HDAC4: variants seen among roughly 807,000 people sequenced by gnomAD.
HDAC4 encodes histone deacetylase 4.
A neutral mutation model predicts 135.1 loss-of-function variants in HDAC4; 16 were observed. The observed-to-expected ratio is 0.12, with a 90% CI of 0.08 to 0.18. The LOEUF (loss-of-function observed/expected upper bound fraction) is 0.18, where lower values mean the gene tolerates loss of function less well. Among genes scored for constraint, HDAC4 ranks in the 10% least tolerant of loss-of-function variants. The pLI is 1.00. For missense variants in HDAC4, 1,143 were observed against 1,511.8 expected (o/e 0.76, Z 4.05); for synonymous variants, 685 against 653.4 (o/e 1.05, Z -0.74).
At chr2:239,107,697 T>C (rs1463329343) in intron 15 of HDAC4, among the ~76,000 whole-genome samples, 5 of 152,154 alleles carry the variant, frequency 3.3e-5, no homozygotes, top group African/African-American at 1.2e-4. Flanking sequence ...TGGGGGAGCA[T>C]GGTGGGAACT....
At chr2:239,281,982 T>G (rs1246453732) in intron 2 of HDAC4, among the ~76,000 whole-genome samples, 3 of 149,434 alleles carry the variant, frequency 2.0e-5, no homozygotes, top group Non-Finnish European at 3.0e-5. Context: ...CACACCACTC[T>G]ACACGCAGTG....
Position 239,053,008 on chromosome 2 carries a change from G to T in HDAC4, c.*89C>A. 1 of 1,504,238 alleles carries T rather than the reference G, an allele frequency of 6.6e-7. No individual in the cohort carries two copies. Among genetic ancestry groups the T allele is most frequent in the South Asian group, 1.1e-5 (1 of 88,932 alleles). The allele number at this position is 1,504,238 out of a possible 1,614,324, so 93.2% of individuals were successfully genotyped here. A position where few individuals can be genotyped will look rare whatever the true frequency, so the allele number is the denominator to read the frequency against. On this transcript the variant is annotated 3_prime_UTR_variant, in exon 27 of 27. Transcript: ENST00000543185. ...CTGGGTGCTCCAAGAGAGCCCCACG[G>T]TGGGACGCAGGCGTGACACGGGAAA...
At chr2:239,070,931 T>G (rs1368192219) in intron 22 of HDAC4, among the ~76,000 whole-genome samples, 3 of 42,070 alleles carry the variant, frequency 7.1e-5, no homozygotes, top group South Asian at 5.6e-4. Context: ...TCTGTTGTTT[T>G]TTTTTTTTTT....
At chr2:239,388,596 A>G (rs73106713) in intron 1 of HDAC4, among the ~76,000 whole-genome samples, 2,468 of 152,074 alleles carry the variant, frequency 0.016, 71 homozygotes, top group African/African-American at 0.056. Flanking sequence ...TGGAAGGACC[A>G]CCCTCTGGGC....
chr2:239,277,756 TCA>T (rs1317196656), intron 2 of HDAC4, among the ~76,000 whole-genome samples: 6 of 152,106 alleles, frequency 3.9e-5, no homozygotes, highest in African/African-American at 1.4e-4. Context: ...CTTAGCAAAC[TCA>T]CACAGAAAAC....
At chr2:239,125,137 C>T (rs2040086694) in intron 12 of HDAC4, among the ~76,000 whole-genome samples, 1 of 152,226 alleles carries the variant, frequency 6.6e-6, no homozygotes. Flanking sequence ...GTGTCCCTGC[C>T]CACATCTCCT....
At chr2:239,236,866 TATG>T (rs1221147939) in intron 2 of HDAC4, among the ~76,000 whole-genome samples, 1 of 145,760 alleles carries the variant, frequency 6.9e-6, no homozygotes, top group African/African-American at 2.6e-5. Flanking sequence ...CCTACTGAGA[TATG>T]GCAAACGCCC....
In HDAC4 at chr2:239,265,305, C is replaced by T. The variant is rs57048296; in HGVS notation, c.23-28641G>A. On this transcript the variant is annotated intron_variant, in intron 2 of 26. Coordinates refer to ENST00000543185, the MANE Select transcript of HDAC4 (RefSeq NM_001378414.1). ...AAGTCATAAAACCCTCCCCTTCAAACGTGTGACTTCTCAGCAAACACCGCC... is the reference window on the plus strand; with the variant it reads ...AAGTCATAAAACCCTCCCCTTCAAATGTGTGACTTCTCAGCAAACACCGCC... Among the ~76,000 whole-genome samples, 694 of 152,356 alleles carry T rather than the reference C, an allele frequency of 4.6e-3. 8 individuals are homozygous for T. Among genetic ancestry groups the T allele is most frequent in the African/African-American group, 0.016 (661 of 41,582 alleles).
intron 2 of HDAC4, among the ~76,000 whole-genome samples, chr2:239,346,392 C>A (rs1166595068): frequency 6.6e-6 from 1 of 151,454 alleles, no homozygotes; most frequent in Admixed American, 6.6e-5. Flanking sequence ...AGAACACACA[C>A]CCATACTTTT....
intron 2 of HDAC4, among the ~76,000 whole-genome samples, chr2:239,294,325 T>C (rs926365301): frequency 1.3e-5 from 2 of 152,148 alleles, no homozygotes; most frequent in African/African-American, 2.4e-5. Flanking sequence ...GAGCTCCTGA[T>C]GGGCCTTGGC....
intron 2 of HDAC4, chr2:239,298,692 A>ATCCTGTGTGTGCTG: frequency 1.2e-6 from 1 of 849,176 alleles, no homozygotes; most frequent in South Asian, 5.3e-5. Flanking sequence ...AACAACGTGG[A>ATCCTGTGTGTGCTG]AATCATGACA....
chr2:239,156,573 G>T, intron 7 of HDAC4, 79 bp downstream of exon 7: 1 of 1,563,432 alleles, frequency 6.4e-7, no homozygotes, highest in Non-Finnish European at 8.8e-7. Context: ...GGAAGACAGC[G>T]GTGGGCCCTG....
intron 3 of HDAC4, among the ~76,000 whole-genome samples, chr2:239,192,725 C>T (rs896545801): frequency 2.0e-5 from 3 of 152,202 alleles, no homozygotes; most frequent in South Asian, 2.1e-4. Flanking sequence ...CTCCTGGGAC[C>T]AGTGCCCTGC....
rs555608995 is a variant in HDAC4 at position 239,181,366 on chromosome 2, G to C, written c.340-4803C>G. On this transcript the variant is annotated intron_variant, in intron 4 of 26. Transcript: ENST00000543185. ...TCCAGCAGGGGTGCTGCTCCTGGCA[G>C]ATGTGTGGGCACAGGCAAGGCAGGA... 3.3e-5 allele frequency among the ~76,000 whole-genome samples: 5 copies of C among 152,368 alleles called. No homozygotes were observed. The South Asian group carries it at 1.0e-3, about 32-fold the overall frequency.
chr2:239,355,011 A>G (rs1396978802), intron 1 of HDAC4, among the ~76,000 whole-genome samples: 1 of 152,116 alleles, frequency 6.6e-6, no homozygotes, highest in African/African-American at 2.4e-5. Context: ...GCTCAATTAC[A>G]GCTTCTTTCC....
intron 3 of HDAC4, among the ~76,000 whole-genome samples, chr2:239,211,641 G>A (rs931120498): frequency 5.3e-5 from 8 of 152,346 alleles, no homozygotes; most frequent in African/African-American, 1.9e-4. Flanking sequence ...AGCAAGGGCT[G>A]TGGTTTCTAA....
At chr2:239,297,239 C>T (rs2051960653) in intron 2 of HDAC4, among the ~76,000 whole-genome samples, 1 of 152,144 alleles carries the variant, frequency 6.6e-6, no homozygotes, top group Admixed American at 6.5e-5. Context: ...AGCCAGCGCT[C>T]ACCCAAACCT....
rs578002771 is a variant in HDAC4 at position 239,094,879 on chromosome 2, T to C, written c.2280+131A>G. The C allele has an allele frequency of 1.8e-5, 29 of 1,590,124 alleles. No individual in the cohort carries two copies. The East Asian group carries it at 5.7e-4, about 31-fold the overall frequency. On this transcript the variant is annotated intron_variant, in intron 17 of 26. Coordinates refer to ENST00000543185, the MANE Select transcript of HDAC4 (RefSeq NM_001378414.1). ...CTCACACGGCCTTTGAAGCCGCACATGGGCAGCCCCTGCGTATGGAAAACA... is the reference window on the plus strand; with the variant it reads ...CTCACACGGCCTTTGAAGCCGCACACGGGCAGCCCCTGCGTATGGAAAACA...
In HDAC4 at chr2:239,240,749, G is replaced by A. The variant is rs921619735; in HGVS notation, c.23-4085C>T. Among the ~76,000 whole-genome samples the A allele has an allele frequency of 2.0e-5, 3 of 152,190 alleles. No individual in the cohort carries two copies. Among genetic ancestry groups the A allele is most frequent in the African/African-American group, 7.2e-5 (3 of 41,454 alleles). ...TCACCAGCACATGATGTGCCCCAGTGTGCTCAATGCACCCACAGTCAACTG... is the reference window on the plus strand; with the variant it reads ...TCACCAGCACATGATGTGCCCCAGTATGCTCAATGCACCCACAGTCAACTG... On this transcript the variant is annotated intron_variant, in intron 2 of 26. Transcript: ENST00000543185. The surrounding 1 kb of genome is among the most constrained non-coding windows in gnomAD (Gnocchi z 4.5).
Sources: allele counts gnomAD v4.1 joint callset (sites outside exome capture counted in the v4.1 genomes callset), GRCh38; gene constraint gnomAD v4.1.1; non-coding constraint Gnocchi (gnomAD v3.1); transcripts MANE v1.5; gene names NCBI Gene and HGNC (gene_info 2026-07-23, HGNC 2026-07-21).